Variants in AUTS2 observed in about 807,000 individuals in gnomAD.
AUTS2 encodes autism susceptibility gene 2 protein.
Under a neutral mutation model 112.4 loss-of-function variants are expected in AUTS2, and 17 were observed. The observed-to-expected ratio is 0.15, with a 90% CI of 0.10 to 0.23. The LOEUF (loss-of-function observed/expected upper bound fraction) is 0.23. Among genes scored for constraint, AUTS2 ranks in the 10% least tolerant of loss-of-function variants. AUTS2 has a pLI of 1.00. For synonymous variants in AUTS2, 751 were observed against 702.7 expected (o/e 1.07, Z -1.09); for missense variants, 1,510 against 1,701.6 (o/e 0.89, Z 1.98).
chr7:69,797,326 A>G (rs777484961), intron 1 of AUTS2, among the ~76,000 whole-genome samples: 2 of 152,148 alleles, frequency 1.3e-5, no homozygotes, highest in Non-Finnish European at 2.9e-5. Flanking sequence ...TTAAGATTCA[A>G]TAGACTTGAG....
At chr7:70,541,346 C>T (rs1369506884) in intron 5 of AUTS2, among the ~76,000 whole-genome samples, 3 of 152,096 alleles carry the variant, frequency 2.0e-5, no homozygotes, top group Non-Finnish European at 4.4e-5. Flanking sequence ...TTGGCTGTTT[C>T]GATAGCCTTA....
At chr7:70,392,217 A>G (rs1464580250) in intron 4 of AUTS2, among the ~76,000 whole-genome samples, 1 of 152,146 alleles carries the variant, frequency 6.6e-6, no homozygotes, top group South Asian at 2.1e-4. Flanking sequence ...GCCTATCTTT[A>G]TATTCCCTTT....
At chr7:70,239,162 C>T (rs545082476) in intron 4 of AUTS2, among the ~76,000 whole-genome samples, 8 of 152,230 alleles carry the variant, frequency 5.3e-5, no homozygotes, top group African/African-American at 1.9e-4. Flanking sequence ...TTATGAACTA[C>T]AAAATTTACA....
At chr7:70,740,820 G>C (rs576823920) in intron 6 of AUTS2, among the ~76,000 whole-genome samples, 5 of 152,080 alleles carry the variant, frequency 3.3e-5, no homozygotes, top group African/African-American at 4.8e-5. Flanking sequence ...TGGGCCAGGC[G>C]CAGTGGCTCA....
At chr7:70,120,087 G>A (rs1303683469) in intron 3 of AUTS2, 1 of 151,936 alleles carries the variant, frequency 6.6e-6, no homozygotes, top group Non-Finnish European at 1.5e-5. Flanking sequence ...TAAACGGTTG[G>A]AGACCACTCT....
At chr7:69,665,542 T>C (rs1795994025) in intron 1 of AUTS2, among the ~76,000 whole-genome samples, 1 of 152,188 alleles carries the variant, frequency 6.6e-6, no homozygotes, top group Non-Finnish European at 1.5e-5. Context: ...TCATACGGCA[T>C]TGTGATCTAT....
At chr7:70,362,794 T>G (rs534485981) in intron 4 of AUTS2, among the ~76,000 whole-genome samples, 1 of 152,314 alleles carries the variant, frequency 6.6e-6, no homozygotes, top group South Asian at 2.1e-4. Context: ...GCTTTAAACA[T>G]TTTTTCAACA....
At chr7:70,076,893 G>A (rs1803061801) in intron 2 of AUTS2, among the ~76,000 whole-genome samples, 1 of 152,196 alleles carries the variant, frequency 6.6e-6, no homozygotes, top group Non-Finnish European at 1.5e-5. Context: ...TAGAGTGCTT[G>A]CAGAGAAAGT....
At chr7:69,876,202 T>C (rs1456481688) in intron 1 of AUTS2, among the ~76,000 whole-genome samples, 1 of 148,440 alleles carries the variant, frequency 6.7e-6, no homozygotes, top group East Asian at 2.0e-4. Context: ...CCGTCTCTAC[T>C]AAAAATACAA....
intron 5 of AUTS2, among the ~76,000 whole-genome samples, chr7:70,651,959 A>G (rs1036415216): frequency 7.9e-5 from 12 of 152,206 alleles, no homozygotes; most frequent in African/African-American, 2.9e-4. Flanking sequence ...TTTGAAGGTG[A>G]GGGATGTTTC....
At chr7:70,230,561 C>G (rs974489123) in intron 4 of AUTS2, among the ~76,000 whole-genome samples, 1 of 152,200 alleles carries the variant, frequency 6.6e-6, no homozygotes, top group Non-Finnish European at 1.5e-5. Context: ...ATTTACCAGT[C>G]TGGCCCAAAT....
chr7:69,954,597 C>T (rs1797147255), intron 2 of AUTS2, among the ~76,000 whole-genome samples: 1 of 152,162 alleles, frequency 6.6e-6, no homozygotes, highest in Admixed American at 6.6e-5. Context: ...GCCTTGTTCT[C>T]AAAACCATTT....
At chr7:70,066,260 A>C (rs1224602683) in intron 2 of AUTS2, among the ~76,000 whole-genome samples, 2 of 152,314 alleles carry the variant, frequency 1.3e-5, no homozygotes, top group East Asian at 3.9e-4. Flanking sequence ...CTACCTTCTT[A>C]ATAGTGATTG....
At chr7:70,312,900 A>C (rs1435520112) in intron 4 of AUTS2, among the ~76,000 whole-genome samples, 1 of 152,254 alleles carries the variant, frequency 6.6e-6, no homozygotes, top group Non-Finnish European at 1.5e-5. Flanking sequence ...GTGTAGGACT[A>C]GAAAAAATAG....
At chr7:69,959,226 T>G (rs970274140) in intron 2 of AUTS2, among the ~76,000 whole-genome samples, 1 of 152,150 alleles carries the variant, frequency 6.6e-6, no homozygotes, top group African/African-American at 2.4e-5. Flanking sequence ...GTTCCTGTTG[T>G]GTTTTTTCTA....
At chr7:70,054,078 ATG>A (rs2129559700) in intron 2 of AUTS2, among the ~76,000 whole-genome samples, 1 of 152,288 alleles carries the variant, frequency 6.6e-6, no homozygotes, top group Non-Finnish European at 1.5e-5. Context: ...AATGTCTTCT[ATG>A]TGCACTATTC....
intron 1 of AUTS2, among the ~76,000 whole-genome samples, chr7:69,687,856 T>C (rs980304477): frequency 2.0e-5 from 3 of 152,218 alleles, no homozygotes; most frequent in Non-Finnish European, 4.4e-5. Flanking sequence ...GCTTTGCTTT[T>C]CCTATCAAAT....
At chr7:70,426,841 C>A (rs1175666955) in intron 4 of AUTS2, among the ~76,000 whole-genome samples, 3 of 149,984 alleles carry the variant, frequency 2.0e-5, no homozygotes, top group African/African-American at 7.6e-5. Flanking sequence ...AGGGTGATTT[C>A]TATGGATCAC....
intron 2 of AUTS2, among the ~76,000 whole-genome samples, chr7:69,952,795 T>C (rs1158918254): frequency 6.6e-6 from 1 of 152,152 alleles, no homozygotes; most frequent in Admixed American, 6.6e-5. Context: ...AGCAAACATA[T>C]TAAAGACTGA....
Sources: allele counts gnomAD v4.1 joint callset (sites outside exome capture counted in the v4.1 genomes callset), GRCh38; gene constraint gnomAD v4.1.1; transcripts MANE v1.5; gene names NCBI Gene and HGNC (gene_info 2026-07-23, HGNC 2026-07-21).